Variants in PJA2 observed in about 807,000 individuals in gnomAD.
PJA2 encodes praja ring finger ubiquitin ligase 2.
PJA2 carries 25 observed loss-of-function variants against 69.3 expected under a neutral mutation model. The observed-to-expected ratio is 0.36, with a 90% CI of 0.26 to 0.50. PJA2 has a LOEUF of 0.50. Among genes scored for constraint, PJA2 ranks in the 20% least tolerant of loss-of-function variants. PJA2 has a pLI of 0.96. For synonymous variants in PJA2, 308 were observed against 277.8 expected (o/e 1.11, Z -1.08); for missense variants, 809 against 830.2 (o/e 0.97, Z 0.31).
At chr5:109,397,937 A>C (rs1236782290) in intron 1 of PJA2, among the ~76,000 whole-genome samples, 1 of 152,188 alleles carries the variant, frequency 6.6e-6, no homozygotes, top group Admixed American at 6.5e-5. Context: ...AGAATCTACA[A>C]AGAACTCAAA....
At position 109,405,574 on chromosome 5, in the gene PJA2, A is replaced by G. The variant is rs182845295; in HGVS notation, c.-88+4268T>C. 4.6e-5 allele frequency among the ~76,000 whole-genome samples: 7 copies of G among 152,366 alleles called. 1 individual carries two copies. The East Asian group carries it at 1.3e-3, about 29-fold the overall frequency. ...AAATTATAGGCATAAAGATCAAGAG[A>G]AAAGTACAGGAACAGATTTACATAT... is the stretch of plus-strand genomic sequence containing the variant. On this transcript the variant is annotated intron_variant, in intron 1 of 9. Coordinates refer to ENST00000361189, the MANE Select transcript of PJA2 (RefSeq NM_014819.5).
chr5:109,382,782 A>G (rs2127008533), intron 2 of PJA2, among the ~76,000 whole-genome samples: 1 of 151,412 alleles, frequency 6.6e-6, no homozygotes, highest in South Asian at 2.1e-4. Context: ...CAGGAGGCGG[A>G]GGTTGCAGTG....
At chr5:109,399,167 C>G (rs981344724) in intron 1 of PJA2, among the ~76,000 whole-genome samples, 1 of 143,302 alleles carries the variant, frequency 7.0e-6, no homozygotes, top group Non-Finnish European at 1.5e-5. Flanking sequence ...GCCGAGATCA[C>G]GCTAATGCAC....
intron 1 of PJA2, among the ~76,000 whole-genome samples, chr5:109,404,194 T>G (rs1027899127): frequency 2.6e-5 from 4 of 151,774 alleles, no homozygotes; most frequent in African/African-American, 9.7e-5. Flanking sequence ...TATAACAAGC[T>G]CCCATAGACT....
intron 3 of PJA2, among the ~76,000 whole-genome samples, 165 bp from the exon 4 acceptor site, chr5:109,379,419 G>A (rs1162233293): frequency 6.6e-6 from 1 of 152,170 alleles, no homozygotes; most frequent in East Asian, 1.9e-4. Context: ...AATGCAGACT[G>A]ATTACTCTAT....
chr5:109,334,873 A>C lies in PJA2; in HGVS notation c.*2358T>G, dbSNP rs1761911028. 1 of 152,660 alleles carries C rather than the reference A, an allele frequency of 6.6e-6. No homozygotes were observed. Among genetic ancestry groups the C allele is most frequent in the African/African-American group, 2.4e-5 (1 of 41,460 alleles). 9.5% of individuals were successfully genotyped at this position (152,660 alleles called of 1,614,324 possible). On this transcript the variant is annotated 3_prime_UTR_variant, in exon 10 of 10. Coordinates refer to ENST00000361189, the MANE Select transcript of PJA2 (RefSeq NM_014819.5). ...TTCGTATGTATCTAACAAATACATA[A>C]ATCCAGATCACAAATAATCTTAAGA...
intron 2 of PJA2, among the ~76,000 whole-genome samples, chr5:109,382,036 G>A (rs970165935): frequency 6.6e-6 from 1 of 151,908 alleles, no homozygotes; most frequent in Non-Finnish European, 1.5e-5. Flanking sequence ...CTCTTTATGG[G>A]AGATCTTCCA....
At chr5:109,371,250 C>G (rs1387372200) in intron 4 of PJA2, among the ~76,000 whole-genome samples, 2 of 152,162 alleles carry the variant, frequency 1.3e-5, no homozygotes, top group Non-Finnish European at 2.9e-5. Context: ...CCCCAGCCAG[C>G]CCCAACCATC....
intron 3 of PJA2, among the ~76,000 whole-genome samples, chr5:109,381,232 T>C (rs761758658): frequency 7.0e-4 from 106 of 152,310 alleles, no homozygotes; most frequent in Non-Finnish European, 4.7e-4. Context: ...TCAAAGATGA[T>C]TTCCTTTGGC....
chr5:109,380,180 G>A (rs1747009052), intron 3 of PJA2, among the ~76,000 whole-genome samples: 1 of 134,112 alleles, frequency 7.5e-6, no homozygotes, highest in Admixed American at 8.9e-5. Context: ...TGCAAGCTCC[G>A]CCTCCCAGGT....
At chr5:109,377,691 A>T (rs1157305157) in intron 4 of PJA2, among the ~76,000 whole-genome samples, 1 of 152,152 alleles carries the variant, frequency 6.6e-6, no homozygotes, top group Non-Finnish European at 1.5e-5. Flanking sequence ...TCTACCACAC[A>T]GAGTTGTTAA....
Position 109,368,694 on chromosome 5 carries a change from C to T in PJA2, c.1336G>A (p.Gly446Ser), listed in dbSNP as rs537300234. ...CTTGAGGATTGATCTTTTTCTGTAC[C>T]AGAAAATCGATGAGGCAAAGAAGCA... The part of the protein sequence containing the change: ...WSASLPHRFS[G>S]TEKDQSSSDE... The change falls in exon 5 of 10, where the codon GGT becomes AGT. Residue 446 changes from glycine to serine, a missense_variant. Gly to Ser is a moderately conservative substitution (Grantham distance 56, BLOSUM62 0). This residue lies in a region of PJA2 where 700 missense variants were observed against 639.5 expected (regional missense o/e 1.09). Coordinates refer to ENST00000361189, the MANE Select transcript of PJA2 (RefSeq NM_014819.5). 5 of 1,614,004 alleles carry T rather than the reference C, an allele frequency of 3.1e-6. No homozygotes were observed. The highest frequency in any genetic ancestry group is 1.1e-5 in the South Asian group (1 of 91,068).
chr5:109,358,330 T>C lies in PJA2; in HGVS notation c.1653-2304A>G, dbSNP rs192820948. ...CAACCTATCCCTTTATTTTGGCCCA[T>C]CCCTTCGTTTCCCATAAGGGATACT... is the stretch of plus-strand genomic sequence containing the variant. On this transcript the variant is annotated intron_variant, in intron 6 of 9. Coordinates refer to ENST00000361189, the MANE Select transcript of PJA2 (RefSeq NM_014819.5). Among the ~76,000 whole-genome samples the C allele has an allele frequency of 5.3e-3, 811 of 152,332 alleles. 6 individuals are homozygous for C. Among genetic ancestry groups the C allele is most frequent in the Non-Finnish European group, 8.0e-3 (542 of 68,020 alleles).
At chr5:109,395,782 T>C (rs530827577) in intron 1 of PJA2, among the ~76,000 whole-genome samples, 6 of 152,106 alleles carry the variant, frequency 3.9e-5, no homozygotes, top group African/African-American at 1.2e-4. Context: ...GCAGATCACA[T>C]GAGGTCAGGA....
intron 7 of PJA2, among the ~76,000 whole-genome samples, chr5:109,353,601 TATC>T (rs1316062644): frequency 4.9e-5 from 7 of 143,694 alleles, no homozygotes; most frequent in Admixed American, 2.1e-4. Flanking sequence ...ATATCTATAA[TATC>T]ATAGACATCT....
intron 1 of PJA2, among the ~76,000 whole-genome samples, chr5:109,400,006 C>G (rs998619545): frequency 2.6e-5 from 4 of 152,004 alleles, no homozygotes; most frequent in African/African-American, 7.2e-5. Context: ...CAAGATAAAT[C>G]AGGCCAGGCT....
intron 5 of PJA2, among the ~76,000 whole-genome samples, chr5:109,366,736 T>C (rs986721733): frequency 2.6e-5 from 4 of 152,146 alleles, no homozygotes; most frequent in Admixed American, 2.6e-4. Flanking sequence ...ACAAAGTAAA[T>C]GCTCAATAAA....
chr5:109,386,660 CT>C (rs1747165769), intron 1 of PJA2, among the ~76,000 whole-genome samples: 1 of 151,170 alleles, frequency 6.6e-6, no homozygotes, highest in South Asian at 2.1e-4. Context: ...TTTTTTTTCC[CT>C]TTACTGGAAG....
intron 9 of PJA2, among the ~76,000 whole-genome samples, chr5:109,340,755 A>G (rs1376343739): frequency 2.1e-5 from 2 of 96,194 alleles, no homozygotes; most frequent in Non-Finnish European, 4.9e-5. Context: ...TCCCTGCCTG[A>G]TTCTCCTGCC....
Sources: allele counts gnomAD v4.1 joint callset (sites outside exome capture counted in the v4.1 genomes callset), GRCh38; gene constraint gnomAD v4.1.1; regional missense constraint gnomAD v4.1.1; transcripts MANE v1.5; gene names NCBI Gene and HGNC (gene_info 2026-07-23, HGNC 2026-07-21).